Variants in NCKAP1L observed in about 807,000 individuals in gnomAD.
NCKAP1L encodes NCK associated protein 1 like.
NCKAP1L carries 53 observed loss-of-function variants against 139.2 expected under a neutral mutation model. The ratio of observed to expected loss-of-function variants is 0.38; its 90% CI spans 0.31 to 0.48. NCKAP1L has a LOEUF of 0.48. Ranked by LOEUF, NCKAP1L falls within the 20% of genes least tolerant of loss-of-function variation. NCKAP1L has a pLI of 0.98. For synonymous variants in NCKAP1L, 468 were observed against 499.7 expected (o/e 0.94, Z 0.85); for missense variants, 1,151 against 1,381.9 (o/e 0.83, Z 2.65).
rs1957078592 is a variant in NCKAP1L, at chr12:54,532,250, G to C, written c.2862G>C (p.Lys954Asn). 2 of 1,610,044 alleles carry C rather than the reference G, an allele frequency of 1.2e-6. No individual in the cohort carries two copies. Among genetic ancestry groups the C allele is most frequent in the Non-Finnish European group, 1.7e-6 (2 of 1,177,782 alleles). Residue 954 changes from lysine to asparagine, a missense_variant and splice_region_variant, in exon 26 of 31, where the codon AAG becomes AAC. By Grantham distance (94) the Lys-to-Asn change is moderately conservative. Coordinates refer to ENST00000293373, the MANE Select transcript of NCKAP1L (RefSeq NM_005337.5). Reference protein sequence around the residue: ...KEFVTPDTDIKVTLSIFELAS... With the variant: ...KEFVTPDTDINVTLSIFELAS... Reference sequence around the variant, plus strand: ...TTGTCACTCCAGACACAGACATCAAGGTATGGAGGAGTGCAAAGTAGAATC... The same window carrying C: ...TTGTCACTCCAGACACAGACATCAACGTATGGAGGAGTGCAAAGTAGAATC...
chr12:54,531,771 C>T lies in NCKAP1L; in HGVS notation c.2727C>T (p.Thr909=), dbSNP rs1273613373. 1 of 1,612,650 alleles carries T rather than the reference C, an allele frequency of 6.2e-7. No individual in the cohort carries two copies. The highest frequency in any genetic ancestry group is 1.3e-5 in the African/African-American group (1 of 74,882). ...TGAENVLKRM[T]IIGVILSFRA... is the part of the protein sequence containing the mutation. ...CTGAAAATGTGCTAAAGCGCATGAC[C>T]ATCATTGGGGTTATCCTCAGTTTCA... The change falls in exon 25 of 31, where the codon ACC becomes ACT. Residue 909 remains threonine, a synonymous_variant. Coordinates refer to ENST00000293373, the MANE Select transcript of NCKAP1L (RefSeq NM_005337.5).
rs1480662730 is a variant in NCKAP1L at position 54,532,259 on chromosome 12, G to A, written c.2862+9G>A. The A allele has an allele frequency of 1.9e-6, 3 of 1,606,468 alleles. No individual in the cohort carries two copies. The highest frequency in any genetic ancestry group is 1.7e-6 in the Non-Finnish European group (2 of 1,175,024). ...CAGACACAGACATCAAGGTATGGAG[G>A]AGTGCAAAGTAGAATCTAATTAGGA... On this transcript the variant is annotated intron_variant, in intron 26 of 30. Transcript: ENST00000293373.
intron 3 of NCKAP1L, among the ~76,000 whole-genome samples, chr12:54,507,251 G>T (rs1166272548): frequency 3.3e-5 from 5 of 152,148 alleles, no homozygotes; most frequent in Non-Finnish European, 5.9e-5. Flanking sequence ...TTGGGGGAAA[G>T]AAGTGTCTGC....
intron 28 of NCKAP1L, 50 bp from the exon 29 acceptor site, chr12:54,536,894 A>T (rs1296627342): frequency 2.2e-6 from 3 of 1,340,930 alleles, no homozygotes; most frequent in East Asian, 2.3e-5. Context: ...GGAGTGGCTT[A>T]CTTTGTCATT....
intron 22 of NCKAP1L, 150 bp downstream of exon 22, chr12:54,528,527 A>T: frequency 1.1e-6 from 1 of 875,252 alleles, no homozygotes; most frequent in Non-Finnish European, 1.7e-6. Flanking sequence ...TTTTGCACCA[A>T]CCTAATAGTG....
chr12:54,518,560 C>A (rs112486379), intron 13 of NCKAP1L, 91 bp from the exon 14 acceptor site: 4 of 998,608 alleles, frequency 4.0e-6, no homozygotes, highest in African/African-American at 3.2e-5. Flanking sequence ...GCAATTCTTT[C>A]TACCTTCATA....
chr12:54,539,292 C>A (rs1238897127), intron 30 of NCKAP1L, among the ~76,000 whole-genome samples: 1 of 152,216 alleles, frequency 6.6e-6, no homozygotes, highest in Admixed American at 6.5e-5. Context: ...AATTACCTGT[C>A]CAGTACATGT....
chr12:54,526,359 A>G (rs757555895), intron 20 of NCKAP1L, among the ~76,000 whole-genome samples, 169 bp from the exon 21 acceptor site: 1 of 152,230 alleles, frequency 6.6e-6, no homozygotes, highest in Non-Finnish European at 1.5e-5. Context: ...ATCTATAAAA[A>G]TGAGGATAAT....
At chr12:54,524,541 G>A (rs1020564919) in intron 20 of NCKAP1L, among the ~76,000 whole-genome samples, 169 of 152,232 alleles carry the variant, frequency 1.1e-3, no homozygotes, top group African/African-American at 4.0e-3. Context: ...GTGAATGGGA[G>A]GAAGAATTAT....
chr12:54,546,967 G>T lies in NCKAP1L; in HGVS notation c.*4282G>T, dbSNP rs918717408. The T allele has an allele frequency of 3.3e-5, 5 of 152,124 alleles. No homozygotes were observed. Among genetic ancestry groups the T allele is most frequent in the Non-Finnish European group, 7.3e-5 (5 of 68,032 alleles). 9.4% of individuals were successfully genotyped at this position (152,124 alleles called of 1,614,324 possible). On this transcript the variant is annotated 3_prime_UTR_variant, in exon 31 of 31. Coordinates refer to ENST00000293373, the MANE Select transcript of NCKAP1L (RefSeq NM_005337.5). Reference sequence around the variant, plus strand: ...CACCTACTGCCAAAGCATCATTTTTGGTTTCTATCAAACTCAAAGCTTGTT... The same window carrying T: ...CACCTACTGCCAAAGCATCATTTTTTGTTTCTATCAAACTCAAAGCTTGTT...
At chr12:54,515,497 G>A (rs552868335) in intron 9 of NCKAP1L, among the ~76,000 whole-genome samples, 14 of 152,192 alleles carry the variant, frequency 9.2e-5, no homozygotes, top group African/African-American at 3.1e-4. Context: ...TTCTAATTTG[G>A]TGATTCAAAA....
Position 54,543,405 on chromosome 12 carries a change from A to C in NCKAP1L, c.*720A>C, listed in dbSNP as rs1247069915. ...TCTTGCTTTAACCCCTCCTGCTTTG[A>C]TATCTCCACAACCCAGAGCAGAGGG... On this transcript the variant is annotated 3_prime_UTR_variant, in exon 31 of 31. Transcript: ENST00000293373. 1 of 152,178 alleles carries C rather than the reference A, an allele frequency of 6.6e-6. No homozygotes were observed. Among genetic ancestry groups the C allele is most frequent in the Non-Finnish European group, 1.5e-5 (1 of 68,062 alleles). The allele number at this position is 152,178 out of a possible 1,614,324, so 9.4% of individuals were successfully genotyped here. A position where few individuals can be genotyped will look rare whatever the true frequency, so the allele number is the denominator to read the frequency against.
Position 54,523,952 on chromosome 12 carries a change from A to C in NCKAP1L, c.2152A>C (p.Asn718His). The change falls in exon 20 of 31, where the codon AAC (asparagine) becomes CAC (histidine). Residue 718 changes from asparagine to histidine, a missense_variant. By Grantham distance (68) the Asn-to-His change is moderately conservative. Coordinates refer to ENST00000293373, the MANE Select transcript of NCKAP1L (RefSeq NM_005337.5). ...CAGCAGCCACCTGGAGGCCAGACTC[A>C]ACAGGTATCACTCTTTCCTTGTCCT... ...YLSSHLEARL[N>H]RAIVWLAGYN... is the part of the protein sequence containing the mutation. 2 of 1,613,526 alleles carry C rather than the reference A, an allele frequency of 1.2e-6. No individual in the cohort carries two copies. The highest frequency in any genetic ancestry group is 1.7e-6 in the Non-Finnish European group (2 of 1,179,684).
At chr12:54,519,952 G>T (rs1956968390) in intron 16 of NCKAP1L, among the ~76,000 whole-genome samples, 1 of 151,786 alleles carries the variant, frequency 6.6e-6, no homozygotes, top group East Asian at 1.9e-4. Context: ...TAGTGGACAG[G>T]AGTGAAAATA....
In NCKAP1L at chr12:54,517,789, C is replaced by T. The variant is rs369679131; in HGVS notation, c.1206-17C>T. 9 of 1,613,828 alleles carry T rather than the reference C, an allele frequency of 5.6e-6. No homozygotes were observed. In the African/African-American group the frequency reaches 1.1e-4, roughly 19 times the overall value. The stretch of plus-strand genomic sequence containing the variant: ...TTCTAGTCTTATTCATCTCTGTTCT[C>T]ATCCTAAACTTTATAGGAGCATTGC... On this transcript the variant is annotated splice_polypyrimidine_tract_variant and intron_variant, in intron 12 of 30. Transcript: ENST00000293373.
intron 20 of NCKAP1L, 68 bp from the exon 21 acceptor site, chr12:54,526,460 A>T: frequency 7.9e-7 from 1 of 1,259,682 alleles, no homozygotes; most frequent in East Asian, 2.4e-5. Context: ...CACAATATAC[A>T]CTCAACAATT....
chr12:54,510,807 C>T (rs1392219095), intron 7 of NCKAP1L, among the ~76,000 whole-genome samples: 3 of 151,874 alleles, frequency 2.0e-5, no homozygotes, highest in Non-Finnish European at 1.5e-5. Flanking sequence ...CAGGCGTGAG[C>T]CACCGCGCCC....
rs770040668 is a variant in NCKAP1L at position 54,511,986 on chromosome 12, T to A, written c.822T>A (p.Asn274Lys). The change falls in exon 9 of 31, where the codon AAT becomes AAA. Residue 274 changes from asparagine (N) to lysine (K), a missense_variant. By Grantham distance (94) the Asn-to-Lys change is moderately conservative. Coordinates refer to ENST00000293373, the MANE Select transcript of NCKAP1L (RefSeq NM_005337.5). ...FLLCHGCLNS[N>K]SQCQKLWKLC... The stretch of plus-strand genomic sequence containing the variant: ...TTTGTCATGGGTGCCTCAACTCCAA[T>A]AGCCAGTGCCAGAAGCTGTGGAAGC... The A allele has an allele frequency of 6.2e-7, 1 of 1,614,194 alleles. No homozygotes were observed. Among genetic ancestry groups the A allele is most frequent in the Non-Finnish European group, 8.5e-7 (1 of 1,180,036 alleles).
At chr12:54,528,022 A>G (rs1195920388) in intron 21 of NCKAP1L, among the ~76,000 whole-genome samples, 1 of 152,200 alleles carries the variant, frequency 6.6e-6, no homozygotes, top group African/African-American at 2.4e-5. Context: ...GTATAGCAAA[A>G]TACCCTCCAG....
Sources: allele counts gnomAD v4.1 joint callset (sites outside exome capture counted in the v4.1 genomes callset), GRCh38; gene constraint gnomAD v4.1.1; transcripts MANE v1.5; gene names NCBI Gene and HGNC (gene_info 2026-07-23, HGNC 2026-07-21).